PIBF1: variants seen among roughly 807,000 people sequenced by gnomAD.
PIBF1 encodes the protein progesterone-induced-blocking factor 1.
Under a neutral mutation model 112.5 loss-of-function variants are expected in PIBF1, and 90 were observed. The observed-to-expected ratio is 0.80, with a 90% CI of 0.67 to 0.95. PIBF1 has a LOEUF of 0.95. Among genes scored for constraint, PIBF1 ranks in the 40% least tolerant of loss-of-function variants. PIBF1 has a pLI of 0.00. For synonymous variants in PIBF1, 301 were observed against 288.6 expected (o/e 1.04, Z -0.44); for missense variants, 915 against 852.3 (o/e 1.07, Z -0.92).
chr13:72,912,962 T>TTATACTGTATGAGGGTA (rs2040945296), intron 12 of PIBF1, among the ~76,000 whole-genome samples: 1 of 151,814 alleles, frequency 6.6e-6, no homozygotes, highest in Non-Finnish European at 1.5e-5. Flanking sequence ...TACTGTATGA[T>TTATACTGTATGAGGGTA]TATAGTATAT....
At chr13:72,994,480 A>C (rs1293575021) in intron 16 of PIBF1, among the ~76,000 whole-genome samples, 2 of 152,226 alleles carry the variant, frequency 1.3e-5, no homozygotes, top group Non-Finnish European at 2.9e-5. Flanking sequence ...AGTCAAACTT[A>C]GTACTTAAAA....
chr13:72,792,486 C>T lies in PIBF1; in HGVS notation c.292C>T (p.Gln98Ter). ...GGAGAAACTTAATGATGCACTTCAC[C>T]AGAAGCAGCTACTAACATTGAGATT... ...LEEKLNDALH[Q>*]KQLLTLRLDN... The change falls in exon 3 of 18, where the codon CAG becomes TAG. Residue 98 changes from glutamine (Q) to a stop codon, truncating the protein, a stop_gained. Coordinates refer to ENST00000326291, the MANE Select transcript of PIBF1 (RefSeq NM_006346.4). LOFTEE classifies it high-confidence loss of function. 1 of 1,575,640 alleles carries T rather than the reference C, an allele frequency of 6.3e-7. No individual in the cohort carries two copies. Among genetic ancestry groups the T allele is most frequent in the South Asian group, 1.2e-5 (1 of 82,566 alleles).
chr13:72,826,154 AAAG>A (rs751185409), intron 6 of PIBF1, among the ~76,000 whole-genome samples: 4 of 152,072 alleles, frequency 2.6e-5, no homozygotes, highest in East Asian at 1.9e-4. Context: ...TAAAAATAAA[AAAG>A]CACAAAATAC....
chr13:72,825,302 T>C (rs189259734), intron 6 of PIBF1, among the ~76,000 whole-genome samples: 127 of 152,346 alleles, frequency 8.3e-4, no homozygotes, highest in African/African-American at 2.8e-3. Context: ...ACTGTGATTA[T>C]ATAAGAGACT....
Position 72,908,602 on chromosome 13 carries a change from C to T in PIBF1, c.1560C>T (p.Asn520=). The change falls in exon 12 of 18, where the codon AAC becomes AAT. Residue 520 remains asparagine, a synonymous_variant. Transcript: ENST00000326291. ...EKRITELQAQ[N]SEHQARLDIY... ...GCATTACTGAACTTCAAGCACAGAA[C>T]TCAGAGCATCAAGCAAGGCTAGACA... 5.0e-6 allele frequency: 8 copies of T among 1,612,730 alleles called. No individual in the cohort carries two copies. The highest frequency in any genetic ancestry group is 6.8e-6 in the Non-Finnish European group (8 of 1,178,910).
At chr13:72,821,297 C>T (rs1345241196) in intron 5 of PIBF1, among the ~76,000 whole-genome samples, 1 of 152,150 alleles carries the variant, frequency 6.6e-6, no homozygotes, top group African/African-American at 2.4e-5. Context: ...CCTTTCTTAA[C>T]ATGCTACTGA....
chr13:72,800,075 G>T (rs1031430823), intron 5 of PIBF1, among the ~76,000 whole-genome samples: 5 of 152,158 alleles, frequency 3.3e-5, no homozygotes, highest in African/African-American at 1.2e-4. Context: ...TTGCTCAGTC[G>T]CCCCAGCTGG....
chr13:73,001,094 C>A (rs1316472693), intron 17 of PIBF1, among the ~76,000 whole-genome samples: 1 of 151,914 alleles, frequency 6.6e-6, no homozygotes, highest in Admixed American at 6.6e-5. Flanking sequence ...TAAGGTGAAC[C>A]GACTAGATAA....
In PIBF1 at chr13:72,910,735, A is replaced by G. The variant is rs182790910; in HGVS notation, c.1639+2054A>G. Among the ~76,000 whole-genome samples, 1,214 of 152,348 alleles carry G rather than the reference A, an allele frequency of 8.0e-3. 15 individuals are homozygous for G. The highest frequency in any genetic ancestry group is 0.023 in the South Asian group (109 of 4,828). Reference sequence around the variant, plus strand: ...GATTACCAAACAACTACTAAACCTGATAAGTGAATATAGCAGAATATATAG... The same window carrying G: ...GATTACCAAACAACTACTAAACCTGGTAAGTGAATATAGCAGAATATATAG... On this transcript the variant is annotated intron_variant, in intron 12 of 17. Transcript: ENST00000326291.
chr13:72,854,375 G>A (rs751871296), intron 10 of PIBF1, among the ~76,000 whole-genome samples: 58 of 151,900 alleles, frequency 3.8e-4, no homozygotes, highest in Non-Finnish European at 7.1e-4. Flanking sequence ...CAATTATTGT[G>A]GATATTGAAA....
At position 72,876,134 on chromosome 13, in the gene PIBF1, C is replaced by CTTTTTTT. The variant is rs386363749; in HGVS notation, c.1323-17637_1323-17631dup. The stretch of plus-strand genomic sequence containing the variant: ...AAAGGTGTAAGTCTGTGTTCAGATT[C>CTTTTTTT]TTTTTTTTTTTTTTTTTTTGCATGT... On this transcript the variant is annotated intron_variant, in intron 10 of 17. Coordinates refer to ENST00000326291, the MANE Select transcript of PIBF1 (RefSeq NM_006346.4). Among the ~76,000 whole-genome samples the CTTTTTTT allele has an allele frequency of 9.8e-4, 89 of 91,228 alleles. 5 individuals are homozygous for CTTTTTTT. The highest frequency in any genetic ancestry group is 1.6e-3 in the African/African-American group (36 of 22,690). The allele number at this position is 91,228 out of a possible 152,430, so 59.8% of individuals were successfully genotyped here. A position where few individuals can be genotyped will look rare whatever the true frequency, so the allele number is the denominator to read the frequency against.
chr13:72,842,466 C>A (rs1010113116), intron 9 of PIBF1, among the ~76,000 whole-genome samples: 3 of 152,178 alleles, frequency 2.0e-5, no homozygotes, highest in Non-Finnish European at 2.9e-5. Context: ...TCAATAAAAA[C>A]CATCTTGACC....
Position 72,844,850 on chromosome 13 carries a change from C to G in PIBF1, c.1224-9207C>G, listed in dbSNP as rs149136215. On this transcript the variant is annotated intron_variant, in intron 9 of 17. Coordinates refer to ENST00000326291, the MANE Select transcript of PIBF1 (RefSeq NM_006346.4). ...AGGCTGGGTCTTGAACTCCTGAGCTCAAGTGATCCTCCCCGCCGACCTCAG... is the reference window on the plus strand; with the variant it reads ...AGGCTGGGTCTTGAACTCCTGAGCTGAAGTGATCCTCCCCGCCGACCTCAG... 8.8e-3 allele frequency among the ~76,000 whole-genome samples: 1,261 copies of G among 143,358 alleles called. 61 individuals carry two copies. Among genetic ancestry groups the G allele is most frequent in the East Asian group, 0.011 (48 of 4,528 alleles). The allele number at this position is 143,358 out of a possible 152,430, so 94.0% of individuals were successfully genotyped here. A position where few individuals can be genotyped will look rare whatever the true frequency, so the allele number is the denominator to read the frequency against.
intron 9 of PIBF1, among the ~76,000 whole-genome samples, chr13:72,844,793 ACACACACG>A (rs2037793070): frequency 3.8e-5 from 5 of 132,228 alleles, no homozygotes; most frequent in South Asian, 2.5e-4. Flanking sequence ...ACACACACAC[ACACACACG>A]GATGAAGTCT....
At chr13:72,786,977 G>A (rs940140651) in intron 2 of PIBF1, among the ~76,000 whole-genome samples, 4 of 152,198 alleles carry the variant, frequency 2.6e-5, no homozygotes, top group African/African-American at 9.7e-5. Context: ...AAGTGCCTTA[G>A]ATTGTAAAAT....
chr13:72,928,720 G>A (rs891506982), intron 13 of PIBF1, among the ~76,000 whole-genome samples: 4 of 152,198 alleles, frequency 2.6e-5, no homozygotes, highest in Admixed American at 6.5e-5. Flanking sequence ...GATTATAGGC[G>A]TGAGCCACCT....
intron 14 of PIBF1, among the ~76,000 whole-genome samples, chr13:72,953,525 A>C (rs2042359994): frequency 6.6e-6 from 1 of 152,198 alleles, no homozygotes; most frequent in South Asian, 2.1e-4. Flanking sequence ...AGCGGGTACC[A>C]GCACCAGTTC....
At chr13:72,830,601 G>A (rs2037059222) in intron 8 of PIBF1, among the ~76,000 whole-genome samples, 1 of 152,128 alleles carries the variant, frequency 6.6e-6, no homozygotes, top group East Asian at 1.9e-4. Context: ...TGTTGAACCA[G>A]CCTTGCCTCC....
In PIBF1 at chr13:72,782,284, T is replaced by A. The variant is rs191409580; in HGVS notation, c.-113T>A. On this transcript the variant is annotated 5_prime_UTR_variant, in exon 1 of 18. Coordinates refer to ENST00000326291, the MANE Select transcript of PIBF1 (RefSeq NM_006346.4). ...TTGTGCTTCCGACCGGAGACGCCTT[T>A]GGTCCCTCGGTGTCTGCACTGGCTG... The A allele has an allele frequency of 3.4e-4, 55 of 161,214 alleles. No homozygotes were observed. The highest frequency in any genetic ancestry group is 1.3e-3 in the African/African-American group (53 of 41,864). 10.0% of individuals were successfully genotyped at this position (161,214 alleles called of 1,614,324 possible). A position where few individuals can be genotyped will look rare whatever the true frequency, so the allele number is the denominator to read the frequency against.
Sources: gnomAD v4.1 joint callset for allele counts (sites outside exome capture counted in the v4.1 genomes callset) on GRCh38, gnomAD v4.1.1 for gene constraint, MANE v1.5 for transcripts, NCBI Gene and HGNC (gene_info 2026-07-23, HGNC 2026-07-21) for gene names.